CACNA2D4: variants seen among roughly 807,000 people sequenced by gnomAD.
The protein encoded by CACNA2D4 is calcium voltage-gated channel auxiliary subunit alpha2delta 4.
In CACNA2D4, 157 loss-of-function variants were observed where a neutral mutation model predicts 163.8. That is an observed-to-expected ratio of 0.96 (90% CI 0.84 to 1.09). The LOEUF (loss-of-function observed/expected upper bound fraction) is 1.09. Ranked by LOEUF, CACNA2D4 falls within the 50% of genes least tolerant of loss-of-function variation. The pLI, the probability that CACNA2D4 is intolerant of heterozygous loss-of-function variation, is 0.00. For missense variants in CACNA2D4, 1,410 were observed against 1,479.9 expected (o/e 0.95, Z 0.78); for synonymous variants, 598 against 586.9 (o/e 1.02, Z -0.27).
Position 1,882,851 on chromosome 12 carries a change from C to A in CACNA2D4, c.1485+16G>T. 6.2e-7 allele frequency: 1 copy of A among 1,613,246 alleles called. No homozygotes were observed. The highest frequency in any genetic ancestry group is 8.5e-7 in the Non-Finnish European group (1 of 1,179,530). ...TGAGGTGGGCTTCTCGAGCTGGGAG[C>A]TGCTGCCAGGCTCACCTTGCTGTCC... On this transcript the variant is annotated intron_variant, in intron 13 of 37. Transcript: ENST00000382722.
At chr12:1,814,535 C>T (rs1863815946) in intron 26 of CACNA2D4, among the ~76,000 whole-genome samples, 1 of 152,212 alleles carries the variant, frequency 6.6e-6, no homozygotes. Context: ...CTGGCTTCAG[C>T]TCTCACTTTG....
At position 1,798,867 on chromosome 12, in the gene CACNA2D4, G is replaced by A. The variant is rs1253290194; in HGVS notation, c.2995+808C>T. Among the ~76,000 whole-genome samples the A allele has an allele frequency of 6.6e-6, 1 of 152,174 alleles. No homozygotes were observed. The highest frequency in any genetic ancestry group is 1.5e-5 in the Non-Finnish European group (1 of 68,036). On this transcript the variant is annotated intron_variant, in intron 34 of 37. Coordinates refer to ENST00000382722, the MANE Select transcript of CACNA2D4 (RefSeq NM_172364.5). The surrounding 1 kb of genome is among the most constrained non-coding windows in gnomAD (Gnocchi z 4.3). ...CCCCAGAGCAGCCCCACCCGATCGC[G>A]GATGTGAGTCCAGAAGGAGTCTGGA...
chr12:1,802,969 A>G lies in CACNA2D4; in HGVS notation c.2722-1325T>C, dbSNP rs1863391157. ...CCAAAGTGTCTTGGTACCTGGACATACTCAGTCAGTGTGGAATGTTGATAG... is the reference window on the plus strand; with the variant it reads ...CCAAAGTGTCTTGGTACCTGGACATGCTCAGTCAGTGTGGAATGTTGATAG... On this transcript the variant is annotated intron_variant, in intron 29 of 37. Coordinates refer to ENST00000382722, the MANE Select transcript of CACNA2D4 (RefSeq NM_172364.5). This position sits in a 1 kb window ranked among gnomAD's most constrained non-coding sequence, Gnocchi z 4.7. Among the ~76,000 whole-genome samples, 1 of 152,188 alleles carries G rather than the reference A, an allele frequency of 6.6e-6. No individual in the cohort carries two copies. The highest frequency in any genetic ancestry group is 2.4e-5 in the African/African-American group (1 of 41,430).
At chr12:1,808,358 G>A (rs1394050505) in intron 29 of CACNA2D4, among the ~76,000 whole-genome samples, 1 of 152,130 alleles carries the variant, frequency 6.6e-6, no homozygotes, top group African/African-American at 2.4e-5. Flanking sequence ...TCAAGTGGTT[G>A]GGGAAAAAAA....
At chr12:1,832,457 A>G (rs190873042) in intron 26 of CACNA2D4, among the ~76,000 whole-genome samples, 1 of 152,328 alleles carries the variant, frequency 6.6e-6, no homozygotes, top group East Asian at 1.9e-4. Context: ...TACTAAGTGG[A>G]CTTGAAACAC....
intron 29 of CACNA2D4, chr12:1,809,502 C>A (rs761516982): frequency 1.4e-6 from 1 of 702,260 alleles, no homozygotes; most frequent in Middle Eastern, 2.3e-4. Context: ...CAAGGAAATA[C>A]ATCTGGTGAA....
At chr12:1,848,365 C>T (rs1311441880) in intron 23 of CACNA2D4, among the ~76,000 whole-genome samples, 1 of 152,234 alleles carries the variant, frequency 6.6e-6, no homozygotes, top group Non-Finnish European at 1.5e-5. Context: ...TGCTCTTCAG[C>T]CTGCTCTGTG....
Position 1,860,131 on chromosome 12 carries a change from C to T in CACNA2D4, c.1940+14G>A. The T allele has an allele frequency of 1.2e-6, 2 of 1,608,330 alleles. No individual in the cohort carries two copies. Among genetic ancestry groups the T allele is most frequent in the Non-Finnish European group, 1.7e-6 (2 of 1,174,922 alleles). Reference sequence around the variant, plus strand: ...CAACCCTCACCCCGTGCAAATAAAGCCTGTGTCCCTCACCTGAAAGGGGTG... The same window carrying T: ...CAACCCTCACCCCGTGCAAATAAAGTCTGTGTCCCTCACCTGAAAGGGGTG... On this transcript the variant is annotated intron_variant, in intron 19 of 37. Coordinates refer to ENST00000382722, the MANE Select transcript of CACNA2D4 (RefSeq NM_172364.5).
chr12:1,828,121 C>T lies in CACNA2D4; in HGVS notation c.2551+12618G>A, dbSNP rs1223230404. 1 of 1,511,320 alleles carries T rather than the reference C, an allele frequency of 6.6e-7. No individual in the cohort carries two copies. Among genetic ancestry groups the T allele is most frequent in the Non-Finnish European group, 8.9e-7 (1 of 1,126,954 alleles). 93.6% of individuals were successfully genotyped at this position (1,511,320 alleles called of 1,614,324 possible). A position where few individuals can be genotyped will look rare whatever the true frequency, so the allele number is the denominator to read the frequency against. On this transcript the variant is annotated intron_variant, in intron 26 of 37. Coordinates refer to ENST00000382722, the MANE Select transcript of CACNA2D4 (RefSeq NM_172364.5). This position sits in a 1 kb window ranked among gnomAD's most constrained non-coding sequence, Gnocchi z 4.2. Reference sequence around the variant, plus strand: ...AGGGGCTCCTCTCTCCCCAGAGCGACAGGGCCCGGAGAGCCGTGGGCCTCA... The same window carrying T: ...AGGGGCTCCTCTCTCCCCAGAGCGATAGGGCCCGGAGAGCCGTGGGCCTCA...
At chr12:1,813,522 G>C (rs554306001) in intron 26 of CACNA2D4, among the ~76,000 whole-genome samples, 11 of 152,308 alleles carry the variant, frequency 7.2e-5, no homozygotes, top group African/African-American at 2.6e-4. Flanking sequence ...TTAAAAAACA[G>C]TTAATTTTAA....
intron 37 of CACNA2D4, 157 bp downstream of exon 37, chr12:1,795,142 G>C (rs983717091): frequency 1.6e-6 from 1 of 628,478 alleles, no homozygotes; most frequent in South Asian, 1.9e-5. Context: ...ATATCACAGT[G>C]TCACAGGGCA....
chr12:1,844,089 T>C lies in CACNA2D4; in HGVS notation c.2470+313A>G, dbSNP rs554409931. 8.5e-5 allele frequency among the ~76,000 whole-genome samples: 13 copies of C among 152,296 alleles called. No homozygotes were observed. The East Asian group carries it at 2.1e-3, about 25-fold the overall frequency. ...AGGATAAATAGAAGAATCTTAGAGA[T>C]GGACTCTTCTGATCTCATATTTGGA... On this transcript the variant is annotated intron_variant, in intron 25 of 37. Transcript: ENST00000382722. The surrounding 1 kb of genome is among the most constrained non-coding windows in gnomAD (Gnocchi z 4.2).
chr12:1,800,081 A>G, intron 32 of CACNA2D4, 29 bp from the exon 33 acceptor site: 1 of 1,579,082 alleles, frequency 6.3e-7, no homozygotes, highest in South Asian at 1.2e-5. Flanking sequence ...AATCTCGGAG[A>G]CCTCTGAGCC....
At chr12:1,873,741 T>C (rs567813414) in intron 18 of CACNA2D4, among the ~76,000 whole-genome samples, 4 of 152,326 alleles carry the variant, frequency 2.6e-5, no homozygotes, top group South Asian at 2.1e-4. Flanking sequence ...GACCTCACTA[T>C]AGTGCCCAGT....
chr12:1,839,104 T>C (rs978061076), intron 26 of CACNA2D4, among the ~76,000 whole-genome samples: 1 of 152,124 alleles, frequency 6.6e-6, no homozygotes, highest in Non-Finnish European at 1.5e-5. Flanking sequence ...CCTGGTGCCC[T>C]CTCTGAGGCA....
chr12:1,909,252 C>T (rs1866753151), intron 4 of CACNA2D4, among the ~76,000 whole-genome samples: 1 of 152,198 alleles, frequency 6.6e-6, no homozygotes, highest in Non-Finnish European at 1.5e-5. Context: ...AGTGCAGTGG[C>T]GCGATCTCGG....
chr12:1,824,553 G>T (rs149549374), intron 26 of CACNA2D4, among the ~76,000 whole-genome samples: 1 of 152,218 alleles, frequency 6.6e-6, no homozygotes, highest in Non-Finnish European at 1.5e-5. Flanking sequence ...GACTGGGTTA[G>T]GAGCAGGCCC....
At chr12:1,826,405 C>CT (rs1864321273) in intron 26 of CACNA2D4, among the ~76,000 whole-genome samples, 1 of 39,780 alleles carries the variant, frequency 2.5e-5, no homozygotes, top group Admixed American at 2.1e-4. Context: ...CCAGAGCCCC[C>CT]CCCCCCCCCC....
chr12:1,836,241 C>G (rs964104575), intron 26 of CACNA2D4: 2 of 152,632 alleles, frequency 1.3e-5, no homozygotes, highest in Non-Finnish European at 2.9e-5. Flanking sequence ...AGCTCTGCCC[C>G]TCCTCAGAGT....
Sources: allele counts gnomAD v4.1 joint callset (sites outside exome capture counted in the v4.1 genomes callset), GRCh38; gene constraint gnomAD v4.1.1; non-coding constraint Gnocchi (gnomAD v3.1); transcripts MANE v1.5; gene names NCBI Gene and HGNC (gene_info 2026-07-23, HGNC 2026-07-21).